Variants in TBC1D1 observed in about 807,000 individuals in gnomAD.
The protein encoded by TBC1D1 is TBC1 (tre-2/USP6, BUB2, cdc16) domain family, member 1.
Under a neutral mutation model 125.6 loss-of-function variants are expected in TBC1D1, and 89 were observed. That is an observed-to-expected ratio of 0.71 (90% CI 0.60 to 0.85). The LOEUF (loss-of-function observed/expected upper bound fraction) is 0.85. Among genes scored for constraint, TBC1D1 ranks in the 40% least tolerant of loss-of-function variants. The pLI is 0.00. For missense variants in TBC1D1, 1,377 were observed against 1,469.2 expected (o/e 0.94, Z 1.03); for synonymous variants, 565 against 564.1 (o/e 1.00, Z -0.02).
intron 12 of TBC1D1, among the ~76,000 whole-genome samples, chr4:38,072,193 C>G (rs7697801): frequency 0.03 from 4,578 of 152,188 alleles, 200 homozygotes; most frequent in African/African-American, 0.088. Context: ...CTATGTACAC[C>G]TAGAGAGAGA....
At position 38,066,265 on chromosome 4, in the gene TBC1D1, C is replaced by CTTT. The variant is rs34977188; in HGVS notation, c.2050+11942_2050+11944dup. Among the ~76,000 whole-genome samples, 43 of 137,632 alleles carry CTTT rather than the reference C, an allele frequency of 3.1e-4. No individual in the cohort carries two copies. In the South Asian group the frequency reaches 4.8e-3, roughly 15 times the overall value. 90.3% of individuals were successfully genotyped at this position (137,632 alleles called of 152,430 possible). ...CATACATTTGGGGCATTATTAGCAA[C>CTTT]TTTTTTTTTTTTTTTTTAGCAAAAT... is the stretch of plus-strand genomic sequence containing the variant. On this transcript the variant is annotated intron_variant, in intron 12 of 19. Coordinates refer to ENST00000261439, the MANE Select transcript of TBC1D1 (RefSeq NM_015173.4).
chr4:38,093,714 G>A (rs986648627), intron 13 of TBC1D1, among the ~76,000 whole-genome samples: 1 of 152,022 alleles, frequency 6.6e-6, no homozygotes, highest in African/African-American at 2.4e-5. Flanking sequence ...AGTAGTAGTA[G>A]TAGAGATGGG....
Position 38,105,989 on chromosome 4 carries a change from C to T in TBC1D1, c.2557+2832C>T, listed in dbSNP as rs549195215. Among the ~76,000 whole-genome samples the T allele has an allele frequency of 5.3e-5, 8 of 152,232 alleles. No homozygotes were observed. In the South Asian group the frequency reaches 1.2e-3, roughly 24 times the overall value. ...ATTGCAGGGTCGAATGGTAATTCAG[C>T]TCTTAGCAGAACCTGTATTTCTTAC... On this transcript the variant is annotated intron_variant, in intron 15 of 19. Coordinates refer to ENST00000261439, the MANE Select transcript of TBC1D1 (RefSeq NM_015173.4).
At position 38,125,071 on chromosome 4, in the gene TBC1D1, C is replaced by G. The variant is rs774448801; in HGVS notation, c.3072C>G (p.Asp1024Glu). 4.3e-6 allele frequency: 7 copies of G among 1,613,950 alleles called. No individual in the cohort carries two copies. In the East Asian group the frequency reaches 1.3e-4, roughly 31 times the overall value. Residue 1024 changes from aspartate (D) to glutamate (E), a missense_variant, in exon 18 of 20, where the codon GAC (aspartate) becomes GAG (glutamate). Coordinates refer to ENST00000261439, the MANE Select transcript of TBC1D1 (RefSeq NM_015173.4). Reference sequence around the variant, plus strand: ...ATGAAAACCTAGAAACCATAGTTGACTTTATAAAAAGCACGCTACCCAACC... The same window carrying G: ...ATGAAAACCTAGAAACCATAGTTGAGTTTATAAAAAGCACGCTACCCAACC...
intron 2 of TBC1D1, among the ~76,000 whole-genome samples, chr4:37,944,194 AAGCTTCGTCTCAG>A: frequency 6.6e-6 from 1 of 152,290 alleles, no homozygotes; most frequent in East Asian, 1.9e-4. Context: ...GTTCCTCTGG[AAGCTTCGTCTCAG>A]AGGGGTACCC....
intron 12 of TBC1D1, among the ~76,000 whole-genome samples, chr4:38,085,173 T>C (rs1757276134): frequency 6.6e-6 from 1 of 152,234 alleles, no homozygotes; most frequent in Non-Finnish European, 1.5e-5. Context: ...ATCTAAAATA[T>C]CGACATACCA....
intron 12 of TBC1D1, among the ~76,000 whole-genome samples, chr4:38,079,826 C>G (rs1756247669): frequency 6.6e-6 from 1 of 152,054 alleles, no homozygotes. Context: ...TAATTTAAAA[C>G]AATGTATTTA....
At chr4:38,124,284 C>T (rs866389293) in intron 17 of TBC1D1, among the ~76,000 whole-genome samples, 6 of 152,156 alleles carry the variant, frequency 3.9e-5, no homozygotes, top group African/African-American at 1.2e-4. Context: ...GCTGCTCGGC[C>T]GCTTGCCTTG....
intron 19 of TBC1D1, among the ~76,000 whole-genome samples, chr4:38,136,073 C>A (rs901066845): frequency 3.9e-5 from 6 of 151,952 alleles, no homozygotes; most frequent in Admixed American, 6.6e-5. Context: ...AGCTGGGGAA[C>A]AGGTCAGAAA....
chr4:38,050,503 G>A (rs1441914945), intron 11 of TBC1D1, among the ~76,000 whole-genome samples: 1 of 152,182 alleles, frequency 6.6e-6, no homozygotes, highest in African/African-American at 2.4e-5. Flanking sequence ...AGTTAGAATC[G>A]TCTGGTTATG....
intron 18 of TBC1D1, among the ~76,000 whole-genome samples, chr4:38,129,898 G>T (rs1016297371): frequency 1.3e-5 from 2 of 152,178 alleles, no homozygotes; most frequent in African/African-American, 4.8e-5. Context: ...ACATTAGCAT[G>T]TTGCTGATGG....
intron 2 of TBC1D1, chr4:37,961,001 T>C: frequency 1.2e-6 from 2 of 1,614,226 alleles, no homozygotes; most frequent in Non-Finnish European, 1.7e-6. Flanking sequence ...CTGTCGACCC[T>C]GGATGTTGAA....
intron 14 of TBC1D1, among the ~76,000 whole-genome samples, chr4:38,098,506 T>C (rs944047062): frequency 1.3e-5 from 2 of 152,222 alleles, no homozygotes; most frequent in African/African-American, 4.8e-5. Flanking sequence ...GTAGTGAAAG[T>C]TGGGCACAGA....
intron 11 of TBC1D1, among the ~76,000 whole-genome samples, chr4:38,051,404 T>G (rs531711103): frequency 3.1e-4 from 47 of 151,366 alleles, no homozygotes; most frequent in South Asian, 2.3e-3. Flanking sequence ...TAAAGTTCAG[T>G]TTTTTTTTGC....
intron 2 of TBC1D1, among the ~76,000 whole-genome samples, chr4:37,998,695 G>A (rs553018382): frequency 4.1e-4 from 63 of 152,312 alleles, no homozygotes; most frequent in Non-Finnish European, 8.2e-4. Flanking sequence ...TTGATAGTCT[G>A]CCTTCTGTAA....
chr4:37,986,430 T>C (rs1290785426), intron 2 of TBC1D1, among the ~76,000 whole-genome samples: 1 of 152,208 alleles, frequency 6.6e-6, no homozygotes, highest in Non-Finnish European at 1.5e-5. Flanking sequence ...ATATATTGTA[T>C]TTCAGAATAC....
intron 5 of TBC1D1, among the ~76,000 whole-genome samples, chr4:38,021,035 T>C (rs1467513437): frequency 6.6e-6 from 1 of 152,218 alleles, no homozygotes. Flanking sequence ...ACACTGCTAA[T>C]AAAGACATAC....
Position 37,977,474 on chromosome 4 carries a change from G to A in TBC1D1, c.418-37035G>A. 1.0e-6 allele frequency: 1 copy of A among 988,302 alleles called. No individual in the cohort carries two copies. The highest frequency in any genetic ancestry group is 4.6e-5 in the South Asian group (1 of 21,906). The allele number at this position is 988,302 out of a possible 1,614,324, so 61.2% of individuals were successfully genotyped here. Reference sequence around the variant, plus strand: ...CGGCGGGAGTGAGCGGGAGCCGGCGGGCGAAGAGCCGCCGCCCGGCCCGCG... The same window carrying A: ...CGGCGGGAGTGAGCGGGAGCCGGCGAGCGAAGAGCCGCCGCCCGGCCCGCG... On this transcript the variant is annotated intron_variant, in intron 2 of 19. Coordinates refer to ENST00000261439, the MANE Select transcript of TBC1D1 (RefSeq NM_015173.4). The surrounding 1 kb of genome is among the most constrained non-coding windows in gnomAD (Gnocchi z 4.3).
chr4:38,061,650 CAA>C lies in TBC1D1; in HGVS notation c.2050+7314_2050+7315del, dbSNP rs1387326427. On this transcript the variant is annotated intron_variant, in intron 12 of 19. Transcript: ENST00000261439. ...GAAATAGTCCAGTGAAACTTAAGTT[CAA>C]AGTTTTTTTTGTCTTGTGGATGTAG... 2.6e-5 allele frequency among the ~76,000 whole-genome samples: 4 copies of C among 152,100 alleles called. No individual in the cohort carries two copies. In the East Asian group the frequency reaches 7.7e-4, roughly 29 times the overall value.
Sources: allele counts gnomAD v4.1 joint callset (sites outside exome capture counted in the v4.1 genomes callset), GRCh38; gene constraint gnomAD v4.1.1; non-coding constraint Gnocchi (gnomAD v3.1); transcripts MANE v1.5; gene names NCBI Gene and HGNC (gene_info 2026-07-23, HGNC 2026-07-21).